The following PUS3 variants were observed in gnomAD, a reference collection of about 807,000 sequenced individuals.
PUS3 encodes tRNA pseudouridine(38/39) synthase.
PUS3 carries 36 observed loss-of-function variants against 43.3 expected under a neutral mutation model. The ratio of observed to expected loss-of-function variants is 0.83; its 90% CI spans 0.64 to 1.10. PUS3 has a LOEUF of 1.10. Among genes scored for constraint, PUS3 ranks in the 50% least tolerant of loss-of-function variants. PUS3 has a pLI of 0.00. For missense variants in PUS3, 544 were observed against 589.9 expected (o/e 0.92, Z 0.81); for synonymous variants, 183 against 199.2 (o/e 0.92, Z 0.69).
chr11:125,897,035 T>C lies in PUS3; in HGVS notation c.-46-705A>G, dbSNP rs553620132. Among the ~76,000 whole-genome samples, 35 of 152,328 alleles carry C rather than the reference T, an allele frequency of 2.3e-4. No homozygotes were observed. In the South Asian group the frequency reaches 6.2e-3, roughly 27 times the overall value. ...CCTCTAATAGTTTAAAAAGTCAGTCTGATGTAATGTAGATGTCAGTGTAGA... is the reference window on the plus strand; with the variant it reads ...CCTCTAATAGTTTAAAAAGTCAGTCCGATGTAATGTAGATGTCAGTGTAGA... On this transcript the variant is annotated intron_variant, in intron 1 of 3. Coordinates refer to ENST00000227474, the MANE Select transcript of PUS3 (RefSeq NM_031307.4).
At chr11:125,899,843 G>C (rs1173629109) in intron 1 of PUS3, 1 of 1,614,026 alleles carries the variant, frequency 6.2e-7, no homozygotes, top group Non-Finnish European at 8.5e-7. Flanking sequence ...CCTACCACAT[G>C]AATACCAAGG....
chr11:125,900,145 T>C lies in PUS3; in HGVS notation c.-47+3025A>G, dbSNP rs1358062287. The stretch of plus-strand genomic sequence containing the variant: ...CCCAATCCAAACCTCAGCATATATA[T>C]GTCCCAAACAATTATCTAGTACCAA... On this transcript the variant is annotated intron_variant, in intron 1 of 3. Coordinates refer to ENST00000227474, the MANE Select transcript of PUS3 (RefSeq NM_031307.4). 4 of 1,614,200 alleles carry C rather than the reference T, an allele frequency of 2.5e-6. No homozygotes were observed. In the East Asian group the frequency reaches 6.7e-5, roughly 27 times the overall value.
chr11:125,899,240 C>A (rs1292571155), intron 1 of PUS3: 3 of 763,376 alleles, frequency 3.9e-6, no homozygotes, highest in Non-Finnish European at 4.3e-6. Flanking sequence ...ATGGCCTTAG[C>A]CATTCTTTCT....
intron 1 of PUS3, chr11:125,900,166 A>C: frequency 6.2e-7 from 1 of 1,614,196 alleles, no homozygotes; most frequent in Non-Finnish European, 8.5e-7. Context: ...ATTATCTAGT[A>C]CCAACAGAGA....
chr11:125,897,588 GAAAA>G (rs1944626863), intron 1 of PUS3, among the ~76,000 whole-genome samples: 1 of 148,510 alleles, frequency 6.7e-6, no homozygotes, highest in African/African-American at 2.5e-5. Context: ...CAAACAAAAA[GAAAA>G]AAGCTTATAA....
rs187367958 is a variant in PUS3, at chr11:125,894,225, A to G, written c.1006T>C (p.Tyr336His). The G allele has an allele frequency of 6.2e-7, 1 of 1,613,518 alleles. No homozygotes were observed. Among genetic ancestry groups the G allele is most frequent in the East Asian group, 2.2e-5 (1 of 44,886 alleles). ...TTGAACTCCTGAGCCTCCTGGTCAT[A>G]GATCCACTTGACATTTTCAAACTTA... ...DCKFENVKWI[Y>H]DQEAQEFNIT... Residue 336 changes from tyrosine (Y) to histidine (H), a missense_variant, in exon 4 of 4, where the codon TAT (tyrosine) becomes CAT (histidine). Physicochemically the swap from Tyr to His is moderately conservative, Grantham distance 83 (BLOSUM62 2). Transcript: ENST00000227474.
chr11:125,899,787 T>C, intron 1 of PUS3: 1 of 1,614,202 alleles, frequency 6.2e-7, no homozygotes, highest in Non-Finnish European at 8.5e-7. Context: ...AATGTACAGT[T>C]CCAGGAAGAC....
chr11:125,902,026 TA>T (rs1251587089), intron 1 of PUS3, among the ~76,000 whole-genome samples: 1 of 152,176 alleles, frequency 6.6e-6, no homozygotes, highest in Non-Finnish European at 1.5e-5. Context: ...AGTCCAACAT[TA>T]CCAAAGTCTC....
At chr11:125,901,003 C>T (rs544894) in intron 1 of PUS3, among the ~76,000 whole-genome samples, 86,822 of 133,678 alleles carry the variant, frequency 0.65, 26,696 homozygotes, top group South Asian at 0.74. Flanking sequence ...AGCGAGACTC[C>T]GTCTCAAAAA....
chr11:125,902,223 G>A (rs1206660944), intron 1 of PUS3, among the ~76,000 whole-genome samples: 1 of 152,138 alleles, frequency 6.6e-6, no homozygotes, highest in Non-Finnish European at 1.5e-5. Context: ...CCTGGCCAGG[G>A]CTGCGAAGTA....
intron 1 of PUS3, among the ~76,000 whole-genome samples, chr11:125,902,693 A>T (rs1023756871): frequency 6.6e-6 from 1 of 152,044 alleles, no homozygotes; most frequent in South Asian, 2.1e-4. Context: ...ATCCAAAGGG[A>T]AGAAGAGGGA....
rs201138088 is a variant in PUS3 at position 125,895,255 on chromosome 11, T to C, written c.913A>G (p.Ile305Val). 180 of 1,601,674 alleles carry C rather than the reference T, an allele frequency of 1.1e-4. No homozygotes were observed. The highest frequency in any genetic ancestry group is 3.4e-4 in the Middle Eastern group (2 of 5,966). Residue 305 changes from isoleucine to valine, a missense_variant, in exon 3 of 4, where the codon ATA (isoleucine) becomes GTA (valine). Ile to Val is a conservative substitution (Grantham distance 29). Coordinates refer to ENST00000227474, the MANE Select transcript of PUS3 (RefSeq NM_031307.4). ...TGAGGCTTTTGGGGATTTTTCTCTATATTCAGCAGCTCATCAATAATCTCT... is the reference window on the plus strand; with the variant it reads ...TGAGGCTTTTGGGGATTTTTCTCTACATTCAGCAGCTCATCAATAATCTCT... ...KPEIIDELLN[I>V]EKNPQKPQYS... is the part of the protein sequence containing the mutation.
chr11:125,899,529 C>G, intron 1 of PUS3: 1 of 1,614,140 alleles, frequency 6.2e-7, no homozygotes, highest in South Asian at 1.1e-5. Context: ...TACAGTAAAG[C>G]TTCAGTAGCC....
At position 125,899,877 on chromosome 11, in the gene PUS3, G is replaced by T. The variant is rs1944710089; in HGVS notation, c.-47+3293C>A. 6 of 1,614,180 alleles carry T rather than the reference G, an allele frequency of 3.7e-6. No individual in the cohort carries two copies. The East Asian group carries it at 1.3e-4, about 36-fold the overall frequency. On this transcript the variant is annotated intron_variant, in intron 1 of 3. Coordinates refer to ENST00000227474, the MANE Select transcript of PUS3 (RefSeq NM_031307.4). Reference sequence around the variant, plus strand: ...GGAATTTCTCAAGATCAGCTCATTTGCTCTCTACAAAGAGAAGGAATGGGC... The same window carrying T: ...GGAATTTCTCAAGATCAGCTCATTTTCTCTCTACAAAGAGAAGGAATGGGC...
Position 125,893,700 on chromosome 11 carries a change from A to G in PUS3, c.*85T>C. The stretch of plus-strand genomic sequence containing the variant: ...TTAAGAGCTGATCATCTGAATTCCT[A>G]GTACTTGCAAGTAAATTTTTTTTTT... On this transcript the variant is annotated 3_prime_UTR_variant, in exon 4 of 4. Transcript: ENST00000227474. The G allele has an allele frequency of 9.4e-7, 1 of 1,065,706 alleles. No homozygotes were observed. Among genetic ancestry groups the G allele is most frequent in the South Asian group, 2.2e-5 (1 of 45,814 alleles). 66.0% of individuals were successfully genotyped at this position (1,065,706 alleles called of 1,614,324 possible). A position where few individuals can be genotyped will look rare whatever the true frequency, so the allele number is the denominator to read the frequency against.
intron 1 of PUS3, 118 bp downstream of exon 1, chr11:125,903,052 C>T (rs1034827048): frequency 2.8e-6 from 1 of 351,916 alleles, no homozygotes; most frequent in South Asian, 1.1e-4. Flanking sequence ...CCTGAAAAGA[C>T]CAAAGTATGT....
chr11:125,894,268 AG>A lies in PUS3; in HGVS notation c.962del (p.Pro321LeufsTer2). On this transcript the variant is annotated frameshift_variant, in exon 4 of 4. Transcript: ENST00000227474. LOFTEE classifies it high-confidence loss of function. ...KPQYSMAVEF[P>X]LVLYDCKFEN... ...CAAACTTACAGTCATATAAGACTAG[AG>A]GAAATTCTACAGCCATACTAGAGAA... 6.2e-7 allele frequency: 1 copy of A among 1,608,708 alleles called. No individual in the cohort carries two copies. The highest frequency in any genetic ancestry group is 8.5e-7 in the Non-Finnish European group (1 of 1,175,842).
At chr11:125,898,018 G>A (rs544864377) in intron 1 of PUS3, among the ~76,000 whole-genome samples, 1 of 152,170 alleles carries the variant, frequency 6.6e-6, no homozygotes, top group South Asian at 2.1e-4. Flanking sequence ...GAAGAATGTC[G>A]GCCTGTGCTG....
chr11:125,901,008 C>CA (rs10533810), intron 1 of PUS3, among the ~76,000 whole-genome samples: 5,252 of 125,498 alleles, frequency 0.042, 165 homozygotes, highest in East Asian at 0.12. Context: ...GACTCCGTCT[C>CA]AAAAAAAAAA....
Sources: allele counts gnomAD v4.1 joint callset (sites outside exome capture counted in the v4.1 genomes callset), GRCh38; gene constraint gnomAD v4.1.1; transcripts MANE v1.5; gene names NCBI Gene and HGNC (gene_info 2026-07-23, HGNC 2026-07-21).